Variants in ST7L observed in about 807,000 individuals in gnomAD.
The protein encoded by ST7L is suppression of tumorigenicity 7 like.
Under a neutral mutation model 72.5 loss-of-function variants are expected in ST7L, and 57 were observed. The ratio of observed to expected loss-of-function variants is 0.79; its 90% CI spans 0.64 to 0.98. ST7L has a LOEUF of 0.98. ST7L is among the 50% of genes least tolerant of loss of function. ST7L has a pLI of 0.00. For missense variants in ST7L, 576 were observed against 672.2 expected, an observed-to-expected ratio of 0.86 and a Z score of 1.58; for synonymous variants, 221 against 240.9, an observed-to-expected ratio of 0.92 and a Z score of 0.77.
intron 10 of ST7L, among the ~76,000 whole-genome samples, chr1:112,577,530 CA>C (rs527682647): frequency 0.044 from 1,051 of 24,116 alleles, 8 homozygotes; most frequent in African/African-American, 0.14. Context: ...AACTCTGTCT[CA>C]AAAAAAAAAA....
At chr1:112,594,208 GA>G (rs11317306) in intron 5 of ST7L, among the ~76,000 whole-genome samples, 27,774 of 89,616 alleles carry the variant, frequency 0.31, 2,511 homozygotes, top group Middle Eastern at 0.4. Context: ...TTATTTTACA[GA>G]AAAAAAAAAA....
chr1:112,535,624 C>T (rs1169999953), intron 14 of ST7L, among the ~76,000 whole-genome samples: 6 of 147,890 alleles, frequency 4.1e-5, no homozygotes, highest in Non-Finnish European at 7.5e-5. Flanking sequence ...CCCAGCTACT[C>T]GGGAGGCTGA....
In ST7L at chr1:112,610,936, A is replaced by C. The variant is rs768844812; in HGVS notation, c.356T>G (p.Leu119Trp). Residue 119 changes from leucine to tryptophan, a missense_variant, in exon 3 of 15, where the codon TTG becomes TGG. Transcript: ENST00000358039. ...CTCTGTTCCTCCCATCAGTGGTTGCAAATGGCTTACAGATACTTGCTCAAT... is the reference window on the plus strand; with the variant it reads ...CTCTGTTCCTCCCATCAGTGGTTGCCAATGGCTTACAGATACTTGCTCAAT... ...SFIEQVSVSH[L>W]QPLMGGTESS... is the part of the protein sequence containing the mutation. 5 of 1,614,136 alleles carry C rather than the reference A, an allele frequency of 3.1e-6. No individual in the cohort carries two copies. Among genetic ancestry groups the C allele is most frequent in the Non-Finnish European group, 4.2e-6 (5 of 1,180,050 alleles).
At chr1:112,607,107 T>G (rs1202129751) in intron 3 of ST7L, 1 of 152,230 alleles carries the variant, frequency 6.6e-6, no homozygotes, top group East Asian at 1.9e-4. Flanking sequence ...TTTGAGGTCC[T>G]GGATAATTTT....
chr1:112,566,677 G>A (rs1261066320), intron 11 of ST7L, among the ~76,000 whole-genome samples: 9 of 152,134 alleles, frequency 5.9e-5, no homozygotes, highest in Admixed American at 1.3e-4. Flanking sequence ...GAGGCAAACA[G>A]TGTTTTCATT....
At chr1:112,600,281 G>A (rs1044768829) in intron 4 of ST7L, among the ~76,000 whole-genome samples, 2 of 151,982 alleles carry the variant, frequency 1.3e-5, no homozygotes, top group African/African-American at 2.4e-5. Context: ...CAAGTGATCC[G>A]CCCACCTTGG....
rs910777523 is a variant in ST7L, at chr1:112,574,487, G to A, written c.1245+2499C>T. ...ATCCTGGCTAACACTGTGAAACCTC[G>A]TCTCTACTAAAAATACAAAAAATTA... On this transcript the variant is annotated intron_variant, in intron 11 of 14. Coordinates refer to ENST00000358039, the MANE Select transcript of ST7L (RefSeq NM_017744.5). Among the ~76,000 whole-genome samples, 5 of 151,630 alleles carry A rather than the reference G, an allele frequency of 3.3e-5. No homozygotes were observed. In the East Asian group the frequency reaches 9.9e-4, roughly 30 times the overall value.
At chr1:112,559,423 G>A (rs545559225) in intron 11 of ST7L, among the ~76,000 whole-genome samples, 4 of 151,826 alleles carry the variant, frequency 2.6e-5, no homozygotes, top group Non-Finnish European at 5.9e-5. Flanking sequence ...TAGTAGAAAC[G>A]GGGTTTCACT....
intron 3 of ST7L, among the ~76,000 whole-genome samples, chr1:112,602,872 C>T (rs906965474): frequency 6.6e-6 from 1 of 151,984 alleles, no homozygotes; most frequent in Non-Finnish European, 1.5e-5. Flanking sequence ...CACCCACCAC[C>T]ACGCCCGGCT....
chr1:112,538,759 T>C (rs1655613902), intron 14 of ST7L, among the ~76,000 whole-genome samples: 1 of 152,054 alleles, frequency 6.6e-6, no homozygotes, highest in African/African-American at 2.4e-5. Context: ...AAGAAGGGGG[T>C]AGGGTTTCCC....
Position 112,581,179 on chromosome 1 carries a change from T to C in ST7L, c.1069+813A>G, listed in dbSNP as rs931106330. Among the ~76,000 whole-genome samples, 22 of 152,266 alleles carry C rather than the reference T, an allele frequency of 1.4e-4. No individual in the cohort carries two copies. In the South Asian group the frequency reaches 1.9e-3, roughly 13 times the overall value. On this transcript the variant is annotated intron_variant, in intron 9 of 14. Coordinates refer to ENST00000358039, the MANE Select transcript of ST7L (RefSeq NM_017744.5). The stretch of plus-strand genomic sequence containing the variant: ...TTGTAACTAAAAAGCATTGTAAAAA[T>C]GTTATTCTGAATTGCTCTTATAGTA...
chr1:112,602,687 A>G (rs1451174108), intron 3 of ST7L, among the ~76,000 whole-genome samples: 1 of 149,744 alleles, frequency 6.7e-6, no homozygotes, highest in Non-Finnish European at 1.5e-5. Flanking sequence ...GGTTATTTAG[A>G]TGGGTACCTG....
intron 3 of ST7L, 58 bp from the exon 4 acceptor site, chr1:112,600,906 C>T: frequency 6.8e-7 from 1 of 1,478,266 alleles, no homozygotes. Context: ...TTCATTTAAC[C>T]AATATCTATT....
intron 3 of ST7L, among the ~76,000 whole-genome samples, chr1:112,601,405 C>A (rs1056408935): frequency 5.9e-5 from 9 of 152,000 alleles, no homozygotes; most frequent in African/African-American, 2.2e-4. Flanking sequence ...GCCACCACAC[C>A]CGGCTAATTT....
At chr1:112,562,538 T>C (rs1008752062) in intron 11 of ST7L, among the ~76,000 whole-genome samples, 1 of 151,990 alleles carries the variant, frequency 6.6e-6, no homozygotes, top group Non-Finnish European at 1.5e-5. Context: ...AAAAACTCCT[T>C]ATAAAGGAGA....
intron 2 of ST7L, among the ~76,000 whole-genome samples, chr1:112,612,980 G>A (rs1265907527): frequency 6.6e-6 from 1 of 151,892 alleles, no homozygotes; most frequent in Admixed American, 6.6e-5. Context: ...TGAGCCAGGT[G>A]TGAGGGTGTG....
At chr1:112,589,791 C>T (rs1289983835) in intron 6 of ST7L, among the ~76,000 whole-genome samples, 1 of 152,180 alleles carries the variant, frequency 6.6e-6, no homozygotes, top group Non-Finnish European at 1.5e-5. Flanking sequence ...TCTGCCTTAG[C>T]CTTCTCCTCC....
intron 14 of ST7L, chr1:112,539,087 G>A (rs1006309859): frequency 1.3e-5 from 2 of 152,186 alleles, no homozygotes; most frequent in East Asian, 3.8e-4. Context: ...CTATCGAGCT[G>A]TTCTAAATTC....
chr1:112,540,112 C>T (rs1465771011), intron 14 of ST7L: 2 of 985,254 alleles, frequency 2.0e-6, no homozygotes, highest in African/African-American at 3.5e-5. Flanking sequence ...AAGGCAGACA[C>T]TATAAACATT....
Sources: gnomAD v4.1 joint callset for allele counts (sites outside exome capture counted in the v4.1 genomes callset) on GRCh38, gnomAD v4.1.1 for gene constraint, MANE v1.5 for transcripts, NCBI Gene and HGNC (gene_info 2026-07-23, HGNC 2026-07-21) for gene names.